The following EIF2B3 variants were observed in gnomAD, a reference collection of about 807,000 sequenced individuals.
EIF2B3 encodes the protein eukaryotic translation initiation factor 2B subunit gamma, also known as translation initiation factor eIF2B subunit gamma.
In EIF2B3, 20 loss-of-function variants were observed where a neutral mutation model predicts 54.1. That is an observed-to-expected ratio of 0.37 (90% CI 0.26 to 0.54). The LOEUF (loss-of-function observed/expected upper bound fraction) is 0.54, where lower values mean the gene tolerates loss of function less well. Among genes scored for constraint, EIF2B3 ranks in the 20% least tolerant of loss-of-function variants. EIF2B3 has a pLI of 0.86. For missense variants in EIF2B3, 448 were observed against 547.8 expected, an observed-to-expected ratio of 0.82 and a Z score of 1.82; for synonymous variants, 153 against 188.1, an observed-to-expected ratio of 0.81 and a Z score of 1.52.
At chr1:44,871,524 T>C (rs1342731506) in intron 10 of EIF2B3, among the ~76,000 whole-genome samples, 1 of 152,246 alleles carries the variant, frequency 6.6e-6, no homozygotes, top group Non-Finnish European at 1.5e-5. Flanking sequence ...GTCTCTTGTA[T>C]CCATCCCTCT....
chr1:44,929,230 G>GA (rs1354266289), intron 4 of EIF2B3, among the ~76,000 whole-genome samples: 1 of 152,144 alleles, frequency 6.6e-6, no homozygotes, highest in Middle Eastern at 3.2e-3. Flanking sequence ...TTAGCTCTAG[G>GA]AAAAATGAGA....
chr1:44,851,493 C>T (rs796927124), intron 11 of EIF2B3, among the ~76,000 whole-genome samples: 13 of 152,220 alleles, frequency 8.5e-5, no homozygotes, highest in African/African-American at 3.1e-4. Context: ...AGGATGGGAC[C>T]AACTGTCTAT....
chr1:44,958,521 G>A, intron 3 of EIF2B3: 2 of 1,205,418 alleles, frequency 1.7e-6, no homozygotes, highest in Non-Finnish European at 2.4e-6. Context: ...TCTTTTATGG[G>A]CTGTCTTTAG....
chr1:44,937,775 G>T (rs906160260), intron 4 of EIF2B3, among the ~76,000 whole-genome samples: 12 of 151,422 alleles, frequency 7.9e-5, no homozygotes, highest in Admixed American at 6.6e-4. Context: ...TCCCAGCTAC[G>T]CGGGAGGCTG....
intron 3 of EIF2B3, among the ~76,000 whole-genome samples, chr1:44,964,789 T>C (rs919310675): frequency 2.0e-5 from 3 of 152,182 alleles, no homozygotes; most frequent in South Asian, 4.1e-4. Flanking sequence ...TTATCAACTC[T>C]GGAATTTCTA....
chr1:44,977,568 G>A (rs1255724914), intron 3 of EIF2B3, among the ~76,000 whole-genome samples: 3 of 151,526 alleles, frequency 2.0e-5, no homozygotes, highest in Non-Finnish European at 2.9e-5. Flanking sequence ...GGGTTCAAGC[G>A]ATTCTCCTGC....
At chr1:44,867,891 T>A (rs1241248554) in intron 10 of EIF2B3, among the ~76,000 whole-genome samples, 13 of 147,150 alleles carry the variant, frequency 8.8e-5, no homozygotes, top group Admixed American at 5.6e-4. Flanking sequence ...AAAAAAAAAA[T>A]TTGCCGTGTA....
chr1:44,860,298 C>T (rs1391759344), intron 10 of EIF2B3, among the ~76,000 whole-genome samples: 2 of 152,142 alleles, frequency 1.3e-5, no homozygotes, highest in Admixed American at 6.5e-5. Flanking sequence ...TATAGGCATG[C>T]GCCATCATGC....
intron 4 of EIF2B3, among the ~76,000 whole-genome samples, chr1:44,939,909 C>A (rs987514091): frequency 8.5e-5 from 13 of 152,136 alleles, no homozygotes; most frequent in African/African-American, 3.1e-4. Flanking sequence ...ATATTTATTT[C>A]TATCTGTGTA....
At chr1:44,924,189 C>A (rs182273799) in intron 5 of EIF2B3, among the ~76,000 whole-genome samples, 1 of 152,142 alleles carries the variant, frequency 6.6e-6, no homozygotes, top group African/African-American at 2.4e-5. Context: ...ATCCCCCCGC[C>A]TAGGCCTCCC....
chr1:44,951,000 T>C (rs1644154918), intron 3 of EIF2B3, among the ~76,000 whole-genome samples: 3 of 152,190 alleles, frequency 2.0e-5, no homozygotes, highest in Admixed American at 2.0e-4. Context: ...GTATGAGTTT[T>C]TTAAAAAAGA....
intron 4 of EIF2B3, chr1:44,937,174 T>TA: frequency 6.6e-6 from 1 of 152,376 alleles, no homozygotes; most frequent in Middle Eastern, 3.4e-3. Context: ...GCTCTTGTAA[T>TA]ACCTACTTAT....
intron 6 of EIF2B3, among the ~76,000 whole-genome samples, chr1:44,886,774 T>A (rs1350282007): frequency 6.6e-6 from 1 of 152,238 alleles, no homozygotes; most frequent in Admixed American, 6.5e-5. Flanking sequence ...TTTCTGTACG[T>A]CACTTCCTTT....
intron 3 of EIF2B3, among the ~76,000 whole-genome samples, chr1:44,968,756 G>C (rs1644370562): frequency 6.6e-6 from 1 of 152,092 alleles, no homozygotes; most frequent in Non-Finnish European, 1.5e-5. Flanking sequence ...AATTAGCCAG[G>C]CATGGTGGCG....
intron 3 of EIF2B3, among the ~76,000 whole-genome samples, chr1:44,964,226 A>G (rs139111092): frequency 2.0e-4 from 31 of 152,208 alleles, no homozygotes; most frequent in Non-Finnish European, 3.8e-4. Context: ...GACTCCAGGA[A>G]GGCATCATCA....
At chr1:44,926,155 G>A (rs1283197473) in intron 5 of EIF2B3, among the ~76,000 whole-genome samples, 2 of 152,096 alleles carry the variant, frequency 1.3e-5, no homozygotes, top group Non-Finnish European at 2.9e-5. Flanking sequence ...TTGAACCCAG[G>A]AGGCAGAGGT....
chr1:44,853,542 G>A (rs751945490), intron 11 of EIF2B3, among the ~76,000 whole-genome samples: 9 of 152,156 alleles, frequency 5.9e-5, no homozygotes, highest in Non-Finnish European at 8.8e-5. Flanking sequence ...GGAGGTCAAG[G>A]CTACAGTGAG....
Position 44,883,648 on chromosome 1 carries a change from C to T in EIF2B3, c.657-1909G>A, listed in dbSNP as rs75123547. Among the ~76,000 whole-genome samples, 3 of 152,302 alleles carry T rather than the reference C, an allele frequency of 2.0e-5. No individual in the cohort carries two copies. In the East Asian group the frequency reaches 5.8e-4, roughly 29 times the overall value. On this transcript the variant is annotated intron_variant, in intron 6 of 11. Transcript: ENST00000360403. ...CCAAACCATCCTTGAAAAACCCTAG[C>T]CTCAGAATTCTGGGGGAGGCTGATT...
rs1655339155 is a variant in EIF2B3, at chr1:44,880,024, C to T, written c.785-16G>A. On this transcript the variant is annotated splice_polypyrimidine_tract_variant and intron_variant, in intron 7 of 11. Transcript: ENST00000360403. Reference sequence around the variant, plus strand: ...CTGTAGATATCTTCAGAACAAACACCCAACCAAGGAAATAAATGAGAGAGA... The same window carrying T: ...CTGTAGATATCTTCAGAACAAACACTCAACCAAGGAAATAAATGAGAGAGA... The T allele has an allele frequency of 1.2e-6, 2 of 1,613,340 alleles. No homozygotes were observed. Among genetic ancestry groups the T allele is most frequent in the Non-Finnish European group, 1.7e-6 (2 of 1,179,440 alleles).
Sources: allele counts gnomAD v4.1 joint callset (sites outside exome capture counted in the v4.1 genomes callset), GRCh38; gene constraint gnomAD v4.1.1; transcripts MANE v1.5; gene names NCBI Gene and HGNC (gene_info 2026-07-23, HGNC 2026-07-21).